The following ADAMTSL3 variants were observed in gnomAD, a reference collection of about 807,000 sequenced individuals.
The protein encoded by ADAMTSL3 is ADAMTS-like protein 3.
ADAMTSL3 carries 128 observed loss-of-function variants against 201.7 expected under a neutral mutation model. That is an observed-to-expected ratio of 0.63 (90% CI 0.55 to 0.73). The LOEUF (loss-of-function observed/expected upper bound fraction) is 0.73. Among genes scored for constraint, ADAMTSL3 ranks in the 30% least tolerant of loss-of-function variants. The probability of loss-of-function intolerance (pLI) is 0.00; values close to 1 mark genes in which losing one functional copy is unlikely to be tolerated. For synonymous variants in ADAMTSL3, 738 were observed against 748.4 expected, an observed-to-expected ratio of 0.99 and a Z score of 0.23; for missense variants, 1,990 against 2,119.6, an observed-to-expected ratio of 0.94 and a Z score of 1.20.
At chr15:83,704,544 G>C in intron 3 of ADAMTSL3, 36 bp downstream of exon 3, 1 of 1,595,850 alleles carries the variant, frequency 6.3e-7, no homozygotes, top group South Asian at 1.1e-5. Flanking sequence ...CTTTGGCTTT[G>C]CTGTTTGCCA....
chr15:83,907,442 C>A (rs185794908), intron 15 of ADAMTSL3, among the ~76,000 whole-genome samples: 2,050 of 152,284 alleles, frequency 0.013, 19 homozygotes, highest in South Asian at 0.021. Flanking sequence ...CTCGCTCTGT[C>A]ACCCAGGCTG....
At chr15:83,762,615 T>G (rs914312393) in intron 3 of ADAMTSL3, among the ~76,000 whole-genome samples, 5 of 152,034 alleles carry the variant, frequency 3.3e-5, no homozygotes, top group African/African-American at 1.2e-4. Flanking sequence ...ACTAACTCTC[T>G]CAAGCTCCTT....
chr15:83,684,400 T>C (rs2061511316), intron 2 of ADAMTSL3, among the ~76,000 whole-genome samples: 1 of 152,196 alleles, frequency 6.6e-6, no homozygotes, highest in Non-Finnish European at 1.5e-5. Context: ...TATACATTGT[T>C]ATTTTGTACT....
chr15:83,842,483 C>G (rs945956708), intron 7 of ADAMTSL3, among the ~76,000 whole-genome samples: 1 of 152,130 alleles, frequency 6.6e-6, no homozygotes, highest in Admixed American at 6.5e-5. Context: ...GGGGCTTGAG[C>G]TGCTGGGCAC....
At chr15:83,693,930 G>C (rs1055906809) in intron 2 of ADAMTSL3, among the ~76,000 whole-genome samples, 1 of 152,074 alleles carries the variant, frequency 6.6e-6, no homozygotes, top group Non-Finnish European at 1.5e-5. Context: ...TTCTCCCCCC[G>C]CAACCATTTG....
chr15:84,023,662 A>C (rs142275198), intron 26 of ADAMTSL3, among the ~76,000 whole-genome samples: 1 of 152,328 alleles, frequency 6.6e-6, no homozygotes, highest in East Asian at 1.9e-4. Context: ...AAACGCGGAG[A>C]GAATCCACAT....
intron 3 of ADAMTSL3, among the ~76,000 whole-genome samples, chr15:83,755,235 TA>T (rs1424340133): frequency 1.3e-5 from 2 of 152,240 alleles, no homozygotes; most frequent in Non-Finnish European, 2.9e-5. Flanking sequence ...TGTACTCTTT[TA>T]AAAAATTATT....
intron 20 of ADAMTSL3, among the ~76,000 whole-genome samples, chr15:83,977,793 G>T (rs1414970503): frequency 1.3e-5 from 2 of 152,208 alleles, no homozygotes; most frequent in African/African-American, 2.4e-5. Context: ...ATTGGTGGAA[G>T]AGTAACACAG....
At chr15:83,754,317 C>T (rs1021099176) in intron 3 of ADAMTSL3, among the ~76,000 whole-genome samples, 2 of 152,070 alleles carry the variant, frequency 1.3e-5, no homozygotes, top group Admixed American at 1.3e-4. Context: ...TTCGATCTGC[C>T]TTGGGATGTC....
chr15:83,996,981 A>G (rs551371307), intron 23 of ADAMTSL3, among the ~76,000 whole-genome samples: 1 of 152,222 alleles, frequency 6.6e-6, no homozygotes, highest in South Asian at 2.1e-4. Flanking sequence ...GGCACTACCA[A>G]GGGTTGGCAA....
At chr15:83,785,507 T>G (rs894708768) in intron 4 of ADAMTSL3, among the ~76,000 whole-genome samples, 6 of 152,154 alleles carry the variant, frequency 3.9e-5, no homozygotes, top group Non-Finnish European at 7.3e-5. Context: ...GATAACCTAT[T>G]TTTTAGATAA....
At chr15:84,016,697 C>A (rs1288631774) in intron 25 of ADAMTSL3, among the ~76,000 whole-genome samples, 198 bp downstream of exon 25, 1 of 152,128 alleles carries the variant, frequency 6.6e-6, no homozygotes, top group Non-Finnish European at 1.5e-5. Context: ...TTAGAAAAAT[C>A]CACTCCTGAG....
intron 3 of ADAMTSL3, among the ~76,000 whole-genome samples, chr15:83,762,039 G>C (rs1374446544): frequency 6.6e-6 from 1 of 151,504 alleles, no homozygotes; most frequent in Non-Finnish European, 1.5e-5. Flanking sequence ...GCTTGCATAG[G>C]TACATCCCAG....
chr15:83,965,969 C>T (rs1298671016), intron 19 of ADAMTSL3, among the ~76,000 whole-genome samples: 2 of 151,994 alleles, frequency 1.3e-5, no homozygotes, highest in Non-Finnish European at 2.9e-5. Flanking sequence ...GAAATAAATA[C>T]GTTATTTGAA....
chr15:83,831,326 A>T (rs554905336), intron 6 of ADAMTSL3, among the ~76,000 whole-genome samples: 1 of 152,126 alleles, frequency 6.6e-6, no homozygotes. Flanking sequence ...ATGGTAAGGA[A>T]TGAATAGGCT....
chr15:83,972,158 G>A (rs868516645), intron 20 of ADAMTSL3, among the ~76,000 whole-genome samples: 1 of 152,102 alleles, frequency 6.6e-6, no homozygotes, highest in Non-Finnish European at 1.5e-5. Context: ...AAAGGCATGA[G>A]ACTTGCCTAA....
intron 10 of ADAMTSL3, among the ~76,000 whole-genome samples, chr15:83,887,982 C>T (rs1326840325): frequency 6.6e-6 from 1 of 152,162 alleles, no homozygotes; most frequent in Non-Finnish European, 1.5e-5. Flanking sequence ...AGATAAAAGA[C>T]ACTTACTACT....
rs773430020 is a variant in ADAMTSL3 at position 83,982,592 on chromosome 15, G to A, written c.2964G>A (p.Gln988=). The A allele has an allele frequency of 2.9e-5, 47 of 1,614,060 alleles. No homozygotes were observed. The highest frequency in any genetic ancestry group is 3.9e-5 in the Non-Finnish European group (46 of 1,180,032). Reference sequence around the variant, plus strand: ...ACCGGTGCATTGCAGGCTCTGCACAGGAAACAGTTGTGCTCAAGCTCATTG... The same window carrying A: ...ACCGGTGCATTGCAGGCTCTGCACAAGAAACAGTTGTGCTCAAGCTCATTG... ...GVYRCIAGSA[Q]ETVVLKLIGT... is the part of the protein sequence containing the mutation. Residue 988 remains glutamine (Q), a synonymous_variant, in exon 21 of 30, where the codon CAG becomes CAA. Transcript: ENST00000286744.
chr15:83,903,917 CAAAAAAAAAAAAAAAAAAA>C (rs1168502648), intron 15 of ADAMTSL3, among the ~76,000 whole-genome samples: 339 of 19,190 alleles, frequency 0.018, 44 homozygotes, highest in African/African-American at 0.067. Context: ...GACTCCACAT[CAAAAAAAAAAAAAAAAAAA>C]AAAAAAAAGA....
Sources: allele counts gnomAD v4.1 joint callset (sites outside exome capture counted in the v4.1 genomes callset), GRCh38; gene constraint gnomAD v4.1.1; transcripts MANE v1.5; gene names NCBI Gene and HGNC (gene_info 2026-07-23, HGNC 2026-07-21).